Variants in DPYD observed in about 807,000 individuals in gnomAD.
DPYD encodes the protein dihydropyrimidine dehydrogenase [NADP(+)].
A neutral mutation model predicts 116.2 loss-of-function variants in DPYD; 109 were observed. That is an observed-to-expected ratio of 0.94 (90% CI 0.80 to 1.10). DPYD has a LOEUF of 1.10. Ranked by LOEUF, DPYD falls within the 50% of genes least tolerant of loss-of-function variation. The probability of loss-of-function intolerance (pLI) is 0.00; values close to 1 mark genes in which losing one functional copy is unlikely to be tolerated. For synonymous variants in DPYD, 440 were observed against 432.0 expected (o/e 1.02, Z -0.23); for missense variants, 1,302 against 1,254.5 (o/e 1.04, Z -0.57).
intron 3 of DPYD, among the ~76,000 whole-genome samples, chr1:97,790,375 T>C (rs1667254994): frequency 6.6e-6 from 1 of 152,198 alleles, no homozygotes; most frequent in Non-Finnish European, 1.5e-5. Context: ...TAGTTATTTC[T>C]TAAACATATT....
chr1:97,241,590 T>A (rs769769712), intron 18 of DPYD, among the ~76,000 whole-genome samples: 1 of 151,964 alleles, frequency 6.6e-6, no homozygotes, highest in East Asian at 1.9e-4. Context: ...CTCTGGATTA[T>A]TTTTGCCTAA....
chr1:97,344,555 ATT>A (rs1025002448), intron 16 of DPYD, among the ~76,000 whole-genome samples: 3 of 151,314 alleles, frequency 2.0e-5, no homozygotes, highest in African/African-American at 7.3e-5. Context: ...TTAACATTCA[ATT>A]TTTTTCTCTT....
In DPYD at chr1:97,868,389, T is replaced by C. The variant is rs139806088; in HGVS notation, c.150+14875A>G. ...ATCACAAAAGACTTCAAATGATATC[T>C]GTAATTTATTACTAAAAGATAAAAT... On this transcript the variant is annotated intron_variant, in intron 2 of 22. Coordinates refer to ENST00000370192, the MANE Select transcript of DPYD (RefSeq NM_000110.4). Among the ~76,000 whole-genome samples, 472 of 151,950 alleles carry C rather than the reference T, an allele frequency of 3.1e-3. 5 individuals are homozygous for C. Among genetic ancestry groups the C allele is most frequent in the African/African-American group, 0.011 (461 of 41,512 alleles).
At chr1:97,183,953 T>C (rs563325484) in intron 20 of DPYD, among the ~76,000 whole-genome samples, 2 of 152,192 alleles carry the variant, frequency 1.3e-5, no homozygotes, top group South Asian at 4.2e-4. Flanking sequence ...GTGTTTGTTG[T>C]TCCCTATTTT....
intron 16 of DPYD, among the ~76,000 whole-genome samples, chr1:97,332,385 C>T (rs979496177): frequency 1.7e-4 from 26 of 152,134 alleles, no homozygotes; most frequent in Non-Finnish European, 2.8e-4. Flanking sequence ...TAAACACACA[C>T]GCATATATGT....
intron 14 of DPYD, among the ~76,000 whole-genome samples, chr1:97,429,700 A>G (rs1458329146): frequency 6.6e-6 from 1 of 152,120 alleles, no homozygotes; most frequent in African/African-American, 2.4e-5. Flanking sequence ...TACTCAGTCT[A>G]GTAACTGGCA....
At chr1:97,361,567 C>A (rs540020070) in intron 16 of DPYD, among the ~76,000 whole-genome samples, 1 of 152,282 alleles carries the variant, frequency 6.6e-6, no homozygotes, top group South Asian at 2.1e-4. Context: ...AAAATACTGG[C>A]AAAGCGAATC....
chr1:97,358,299 G>C (rs547399395), intron 16 of DPYD, among the ~76,000 whole-genome samples: 1 of 152,358 alleles, frequency 6.6e-6, no homozygotes, highest in African/African-American at 2.4e-5. Context: ...AGCAGCTGGG[G>C]AAGCTAGAAC....
chr1:97,131,897 A>C (rs144904399), intron 20 of DPYD, among the ~76,000 whole-genome samples: 37 of 152,266 alleles, frequency 2.4e-4, no homozygotes, highest in African/African-American at 6.7e-4. Flanking sequence ...CATAACAAAA[A>C]CTTTTTTGTC....
At chr1:97,323,194 G>A (rs1001901069) in intron 16 of DPYD, among the ~76,000 whole-genome samples, 15 of 146,550 alleles carry the variant, frequency 1.0e-4, no homozygotes, top group Admixed American at 6.9e-5. Flanking sequence ...ATATATACAC[G>A]TATATATATC....
At chr1:97,212,505 T>C (rs901272055) in intron 19 of DPYD, among the ~76,000 whole-genome samples, 2 of 152,114 alleles carry the variant, frequency 1.3e-5, no homozygotes, top group African/African-American at 4.8e-5. Context: ...TTTTGGGGTA[T>C]TAGAAACAAT....
At chr1:97,833,034 T>C (rs1403959935) in intron 2 of DPYD, among the ~76,000 whole-genome samples, 5 of 151,302 alleles carry the variant, frequency 3.3e-5, no homozygotes, top group African/African-American at 1.2e-4. Context: ...AATTACATTA[T>C]TAAATAAAAC....
intron 14 of DPYD, among the ~76,000 whole-genome samples, chr1:97,401,383 T>G (rs1264226828): frequency 1.3e-5 from 2 of 151,806 alleles, no homozygotes; most frequent in Admixed American, 1.3e-4. Context: ...GCACAATCTC[T>G]GCTCACTGCA....
At chr1:97,323,215 T>G (rs952890969) in intron 16 of DPYD, among the ~76,000 whole-genome samples, 1 of 149,134 alleles carries the variant, frequency 6.7e-6, no homozygotes, top group Non-Finnish European at 1.5e-5. Flanking sequence ...CACATATGTG[T>G]ATACATACAT....
At chr1:97,363,981 T>C (rs921219791) in intron 16 of DPYD, among the ~76,000 whole-genome samples, 6 of 152,178 alleles carry the variant, frequency 3.9e-5, no homozygotes, top group Non-Finnish European at 7.4e-5. Flanking sequence ...TCTAGTTCCA[T>C]CCATGTTGCT....
In DPYD at chr1:97,098,663, T is replaced by TGTTA. The variant is rs745451696; in HGVS notation, c.2623-35_2623-32dup. 3.1e-6 allele frequency: 5 copies of TGTTA among 1,611,532 alleles called. No individual in the cohort carries two copies. The Admixed American group carries it at 8.4e-5, about 27-fold the overall frequency. On this transcript the variant is annotated intron_variant, in intron 20 of 22. Transcript: ENST00000370192. ...AGGAAAACACACAAATAAGGAAGCATGTTAGCTCAGAGAAGAGAAAAATGG... is the reference window on the plus strand; with the variant it reads ...AGGAAAACACACAAATAAGGAAGCATGTTAGTTAGCTCAGAGAAGAGAAAAATGG...
intron 21 of DPYD, among the ~76,000 whole-genome samples, chr1:97,091,843 CT>C (rs1489176930): frequency 6.6e-6 from 1 of 152,162 alleles, no homozygotes; most frequent in African/African-American, 2.4e-5. Context: ...CCTTGCCCCT[CT>C]AGCAAACTGT....
intron 14 of DPYD, among the ~76,000 whole-genome samples, chr1:97,405,921 C>A (rs1045007447): frequency 6.6e-6 from 1 of 152,128 alleles, no homozygotes; most frequent in Non-Finnish European, 1.5e-5. Flanking sequence ...TTCTTCTCTT[C>A]CCCCTGCCAG....
chr1:97,442,075 T>C (rs1318641194), intron 14 of DPYD, among the ~76,000 whole-genome samples: 1 of 152,100 alleles, frequency 6.6e-6, no homozygotes, highest in African/African-American at 2.4e-5. Flanking sequence ...AGTCTCTTTG[T>C]TTACTCACAT....
Sources: gnomAD v4.1 joint callset for allele counts (sites outside exome capture counted in the v4.1 genomes callset) on GRCh38, gnomAD v4.1.1 for gene constraint, MANE v1.5 for transcripts, NCBI Gene and HGNC (gene_info 2026-07-23, HGNC 2026-07-21) for gene names.